Variants in LARGE1 observed in about 807,000 individuals in gnomAD.
The protein encoded by LARGE1 is xylosyl- and glucuronyltransferase LARGE1.
In LARGE1, 43 loss-of-function variants were observed where a neutral mutation model predicts 87.6. The ratio of observed to expected loss-of-function variants is 0.49; its 90% CI spans 0.38 to 0.63. The LOEUF (loss-of-function observed/expected upper bound fraction) is 0.63. Ranked by LOEUF, LARGE1 falls within the 30% of genes least tolerant of loss-of-function variation. The pLI is 0.00. For missense variants in LARGE1, 802 were observed against 1,000.2 expected (o/e 0.80, Z 2.67); for synonymous variants, 434 against 394.6 (o/e 1.10, Z -1.18).
rs114298549 is a variant in LARGE1, at chr22:33,679,232, T to C, written c.107-28564A>G. 3.8e-3 allele frequency among the ~76,000 whole-genome samples: 578 copies of C among 152,302 alleles called. 4 individuals carry two copies. Among genetic ancestry groups the C allele is most frequent in the African/African-American group, 0.013 (561 of 41,566 alleles). ...ACAATGAATGTATAAATCAATCACC[T>C]ATGTGCCAGACACTTTGCTCCTTAC... On this transcript the variant is annotated intron_variant, in intron 2 of 14. Transcript: ENST00000397394.
Position 33,843,516 on chromosome 22 carries a change from G to C in LARGE1, c.-83+76479C>G, listed in dbSNP as rs143854182. Among the ~76,000 whole-genome samples, 613 of 152,086 alleles carry C rather than the reference G, an allele frequency of 4.0e-3. 1 individual carries two copies. Among genetic ancestry groups the C allele is most frequent in the African/African-American group, 0.014 (591 of 41,480 alleles). Reference sequence around the variant, plus strand: ...CTCAACAGAGGTAGACAGGGAAAGAGTAGCGGATGCAGGAAGATCCAAAAT... The same window carrying C: ...CTCAACAGAGGTAGACAGGGAAAGACTAGCGGATGCAGGAAGATCCAAAAT... On this transcript the variant is annotated intron_variant, in intron 1 of 14. Coordinates refer to ENST00000397394, the MANE Select transcript of LARGE1 (RefSeq NM_133642.5).
chr22:33,331,278 C>T (rs752621857), intron 10 of LARGE1, among the ~76,000 whole-genome samples: 25 of 152,090 alleles, frequency 1.6e-4, no homozygotes, highest in African/African-American at 3.1e-4. Context: ...ATTAAATGAG[C>T]GATTCAGATT....
At chr22:33,826,795 G>A (rs1039392043) in intron 1 of LARGE1, among the ~76,000 whole-genome samples, 8 of 152,048 alleles carry the variant, frequency 5.3e-5, no homozygotes, top group African/African-American at 1.4e-4. Context: ...AGGAATTGGA[G>A]CCTGTTATCA....
At chr22:33,104,917 T>TTTCTC in the LARGE1 span, among the ~76,000 whole-genome samples, 6 of 77,394 alleles carry the variant, frequency 7.8e-5, no homozygotes, top group Admixed American at 1.4e-4. Flanking sequence ...CTTTCTTTCT[T>TTTCTC]TCTTTCTTTC....
chr22:33,903,228 C>T (rs892409184), intron 1 of LARGE1, among the ~76,000 whole-genome samples: 1 of 152,198 alleles, frequency 6.6e-6, no homozygotes, highest in Non-Finnish European at 1.5e-5. Context: ...GATTAGAGCA[C>T]AGACACACGC....
chr22:33,253,120 C>T (rs776418241), intron 11 of LARGE1, among the ~76,000 whole-genome samples: 12 of 152,130 alleles, frequency 7.9e-5, no homozygotes, highest in Non-Finnish European at 1.5e-4. Flanking sequence ...GTGGAGACAG[C>T]GAATCAGGCT....
intron 6 of LARGE1, among the ~76,000 whole-genome samples, chr22:33,435,881 T>C (rs536972054): frequency 1.3e-5 from 2 of 152,224 alleles, no homozygotes; most frequent in South Asian, 2.1e-4. Context: ...TTAATATCCA[T>C]TGGTGAGAAA....
chr22:33,916,280 CA>C (rs141062786), intron 1 of LARGE1, among the ~76,000 whole-genome samples: 18 of 144,890 alleles, frequency 1.2e-4, no homozygotes, highest in South Asian at 2.2e-4. Context: ...GACTCCATCT[CA>C]AAAAAAAAAG....
At chr22:33,792,309 G>T (rs554734996) in intron 1 of LARGE1, among the ~76,000 whole-genome samples, 19 of 152,274 alleles carry the variant, frequency 1.2e-4, no homozygotes, top group African/African-American at 4.6e-4. Context: ...GTGTGTCTCA[G>T]GAGTTCTGAT....
chr22:33,843,921 T>C (rs1005559287), intron 1 of LARGE1, among the ~76,000 whole-genome samples: 2 of 151,706 alleles, frequency 1.3e-5, no homozygotes, highest in African/African-American at 2.4e-5. Context: ...CTACTAAAAA[T>C]ACAAAAAACT....
rs990350341 is a variant in LARGE1, at chr22:33,277,003, T to G, written c.2073+57A>C. On this transcript the variant is annotated intron_variant, in intron 14 of 14. Transcript: ENST00000397394. ...TTGTCTCCAAGGATCCCTTAAGCTC[T>G]AGGATCTAGGCCTCTCCCCCGTCGA... 8 of 1,534,848 alleles carry G rather than the reference T, an allele frequency of 5.2e-6. No homozygotes were observed. In the Middle Eastern group the frequency reaches 5.1e-4, roughly 97 times the overall value.
chr22:33,410,005 A>C (rs564580843), intron 7 of LARGE1, among the ~76,000 whole-genome samples: 1 of 152,230 alleles, frequency 6.6e-6, no homozygotes, highest in African/African-American at 2.4e-5. Flanking sequence ...GCTACATTAC[A>C]AATGGTGTCT....
At chr22:33,315,834 T>C (rs940519610) in intron 11 of LARGE1, among the ~76,000 whole-genome samples, 14 of 152,140 alleles carry the variant, frequency 9.2e-5, no homozygotes, top group Admixed American at 3.3e-4. Flanking sequence ...TTCACCATGT[T>C]GGCCAGGCTG....
downstream of LARGE1, among the ~76,000 whole-genome samples, chr22:33,269,364 T>C (rs1396729427): frequency 1.3e-5 from 2 of 152,236 alleles, no homozygotes; most frequent in Non-Finnish European, 1.5e-5. Context: ...ATCTGTTTAC[T>C]TTTCTGCTGT....
chr22:33,385,482 C>A (rs1032638579), intron 7 of LARGE1, among the ~76,000 whole-genome samples: 2 of 117,870 alleles, frequency 1.7e-5, no homozygotes, highest in African/African-American at 6.5e-5. Flanking sequence ...GAGCTGAGAT[C>A]GTGCCACGGC....
At chr22:33,714,099 G>A (rs1375325270) in intron 2 of LARGE1, among the ~76,000 whole-genome samples, 1 of 151,978 alleles carries the variant, frequency 6.6e-6, no homozygotes, top group Admixed American at 6.6e-5. Context: ...GGTCCATGCA[G>A]ACTGACTCCT....
intron 5 of LARGE1, among the ~76,000 whole-genome samples, chr22:33,594,895 C>A (rs1409377736): frequency 3.9e-5 from 6 of 152,194 alleles, no homozygotes; most frequent in African/African-American, 1.4e-4. Context: ...GCTTGAGCCA[C>A]CATACCCCGC....
In LARGE1 at chr22:33,244,027, C is replaced by T. The variant is rs934366730; in HGVS notation, c.1730+60202G>A. Among the ~76,000 whole-genome samples the T allele has an allele frequency of 1.1e-4, 16 of 152,176 alleles. 1 individual carries two copies. The highest frequency in any genetic ancestry group is 6.5e-4 in the Admixed American group (10 of 15,282). On this transcript the variant is annotated intron_variant, in intron 11 of 11. Coordinates refer to the LARGE1 transcript ENST00000608642. ...GTTTTGAGGCGGAGTCTTGCTCTGT[C>T]GCCCAGGCTGGAGTGCAGTGGCGCG...
intron 2 of LARGE1, among the ~76,000 whole-genome samples, chr22:33,674,824 T>C (rs995809253): frequency 6.6e-6 from 1 of 152,170 alleles, no homozygotes; most frequent in Admixed American, 6.5e-5. Context: ...TGGAGCTCAA[T>C]TGCAGTGATA....
Sources: allele counts gnomAD v4.1 joint callset (sites outside exome capture counted in the v4.1 genomes callset), GRCh38; gene constraint gnomAD v4.1.1; transcripts MANE v1.5; gene names NCBI Gene and HGNC (gene_info 2026-07-23, HGNC 2026-07-21).